Variants in FHIT observed in about 807,000 individuals in gnomAD.
FHIT encodes bis(5'-adenosyl)-triphosphatase.
FHIT carries 19 observed loss-of-function variants against 17.9 expected under a neutral mutation model. That is an observed-to-expected ratio of 1.06 (90% CI 0.74 to 1.56). FHIT has a LOEUF of 1.56. FHIT is among the 40% of genes most tolerant of loss of function. The pLI is 0.00. For missense variants in FHIT, 248 were observed against 189.2 expected, an observed-to-expected ratio of 1.31 and a Z score of -1.82; for synonymous variants, 81 against 69.7, an observed-to-expected ratio of 1.16 and a Z score of -0.81.
At chr3:61,126,178 T>C (rs2036600271) in intron 2 of FHIT, among the ~76,000 whole-genome samples, 1 of 152,152 alleles carries the variant, frequency 6.6e-6, no homozygotes, top group South Asian at 2.1e-4. Context: ...GTCAAATATT[T>C]ATCAGGCATC....
In FHIT at chr3:60,641,126, G is replaced by C. The variant is rs571358515; in HGVS notation, c.-17-104147C>G. On this transcript the variant is annotated intron_variant, in intron 4 of 9. Transcript: ENST00000492590. The stretch of plus-strand genomic sequence containing the variant: ...AACTGGGAGGTGGAGGTTGTAGTAA[G>C]CCAAGATTATGCCATTGCACTCCGG... Among the ~76,000 whole-genome samples the C allele has an allele frequency of 1.9e-4, 29 of 152,202 alleles. No homozygotes were observed. The South Asian group carries it at 6.0e-3, about 32-fold the overall frequency.
intron 5 of FHIT, among the ~76,000 whole-genome samples, chr3:60,201,013 T>C (rs1235431984): frequency 6.6e-6 from 1 of 152,100 alleles, no homozygotes; most frequent in Non-Finnish European, 1.5e-5. Flanking sequence ...CTTACTAAAG[T>C]TCAGCTGGGA....
chr3:60,363,125 A>G (rs1699969143), intron 5 of FHIT, among the ~76,000 whole-genome samples: 1 of 152,134 alleles, frequency 6.6e-6, no homozygotes, highest in African/African-American at 2.4e-5. Flanking sequence ...GTATCAAAAA[A>G]TAAAAATAAA....
intron 7 of FHIT, among the ~76,000 whole-genome samples, chr3:59,983,895 T>C (rs893490260): frequency 6.6e-6 from 1 of 152,072 alleles, no homozygotes; most frequent in Non-Finnish European, 1.5e-5. Flanking sequence ...AATCCAGTCA[T>C]GAGGGAGGAA....
At chr3:61,147,390 C>T (rs1213326190) in intron 2 of FHIT, among the ~76,000 whole-genome samples, 1 of 151,970 alleles carries the variant, frequency 6.6e-6, no homozygotes, top group Non-Finnish European at 1.5e-5. Flanking sequence ...TATTTTCATA[C>T]TTGTTTCCTT....
intron 4 of FHIT, among the ~76,000 whole-genome samples, chr3:60,679,930 A>G (rs1159432276): frequency 6.6e-6 from 1 of 152,144 alleles, no homozygotes; most frequent in Non-Finnish European, 1.5e-5. Flanking sequence ...TTGTTACTAT[A>G]TGTTGTTTTT....
chr3:60,095,333 C>T (rs538460792), intron 5 of FHIT, among the ~76,000 whole-genome samples: 2 of 152,302 alleles, frequency 1.3e-5, no homozygotes, highest in African/African-American at 4.8e-5. Context: ...CGTTCCCACA[C>T]ATTGGAAGGT....
At chr3:60,441,771 T>TCACACAC (rs2030864920) in intron 5 of FHIT, among the ~76,000 whole-genome samples, 1 of 3,194 alleles carries the variant, frequency 3.1e-4, no homozygotes, top group Non-Finnish European at 1.2e-3. Context: ...TATATATATT[T>TCACACAC]ATATGTATAA....
intron 5 of FHIT, among the ~76,000 whole-genome samples, chr3:60,190,834 T>C (rs1296302455): frequency 6.6e-6 from 1 of 152,062 alleles, no homozygotes; most frequent in African/African-American, 2.4e-5. Flanking sequence ...TCCCAGCTAC[T>C]TGGGGAACTG....
At chr3:61,241,653 C>A (rs954363172) in intron 1 of FHIT, among the ~76,000 whole-genome samples, 1 of 151,966 alleles carries the variant, frequency 6.6e-6, no homozygotes, top group Non-Finnish European at 1.5e-5. Context: ...TGAGAAACTG[C>A]AAAATATACT....
intron 4 of FHIT, among the ~76,000 whole-genome samples, chr3:60,624,880 T>C (rs143124298): frequency 2.0e-5 from 3 of 149,620 alleles, no homozygotes; most frequent in African/African-American, 7.5e-5. Context: ...TGATAAGATA[T>C]TTGGCTTGTT....
chr3:60,660,729 C>CTTTTTTTTTTTGTTTTTTTTTTT (rs2040223178), intron 4 of FHIT, among the ~76,000 whole-genome samples: 1 of 37,278 alleles, frequency 2.7e-5, no homozygotes, highest in African/African-American at 8.2e-5. Flanking sequence ...TTATTGTGCT[C>CTTTTTTTTTTTGTTTTTTTTTTT]TTTTTTTTTT....
chr3:60,053,508 C>T (rs957895308), intron 5 of FHIT, among the ~76,000 whole-genome samples: 1 of 151,580 alleles, frequency 6.6e-6, no homozygotes, highest in Non-Finnish European at 1.5e-5. Context: ...GTCATGTGAA[C>T]TGGCTATGGC....
chr3:60,428,647 C>A (rs1437674447), intron 5 of FHIT, among the ~76,000 whole-genome samples: 1 of 152,026 alleles, frequency 6.6e-6, no homozygotes, highest in Non-Finnish European at 1.5e-5. Context: ...GGAAAAAGGA[C>A]AAAGAAGCAA....
At chr3:60,116,203 C>T (rs1023560901) in intron 5 of FHIT, among the ~76,000 whole-genome samples, 2 of 152,074 alleles carry the variant, frequency 1.3e-5, no homozygotes, top group Non-Finnish European at 2.9e-5. Context: ...GAGAAAGAGA[C>T]ACATGTTGGT....
intron 8 of FHIT, among the ~76,000 whole-genome samples, chr3:59,846,138 C>G (rs1050410509): frequency 6.6e-6 from 1 of 151,964 alleles, no homozygotes; most frequent in African/African-American, 2.4e-5. Flanking sequence ...GACTTGTTTT[C>G]TATATGCCTT....
chr3:60,540,774 C>T (rs1422217574), intron 4 of FHIT, among the ~76,000 whole-genome samples: 1 of 152,100 alleles, frequency 6.6e-6, no homozygotes, highest in Non-Finnish European at 1.5e-5. Flanking sequence ...TATGGACACA[C>T]CCACATAGCC....
At chr3:60,478,789 G>T (rs2033468868) in intron 5 of FHIT, among the ~76,000 whole-genome samples, 1 of 152,130 alleles carries the variant, frequency 6.6e-6, no homozygotes, top group Non-Finnish European at 1.5e-5. Flanking sequence ...TGAAATAAAA[G>T]TATGTTGAAG....
chr3:61,242,169 A>G (rs943154267), intron 1 of FHIT, among the ~76,000 whole-genome samples: 2 of 152,146 alleles, frequency 1.3e-5, no homozygotes, highest in East Asian at 1.9e-4. Flanking sequence ...CAGAAAAACA[A>G]CTTTCCAAAG....
Sources: gnomAD v4.1 joint callset for allele counts (sites outside exome capture counted in the v4.1 genomes callset) on GRCh38, gnomAD v4.1.1 for gene constraint, MANE v1.5 for transcripts, NCBI Gene and HGNC (gene_info 2026-07-23, HGNC 2026-07-21) for gene names.